Variants in UBP1 observed in about 807,000 individuals in gnomAD.
The protein encoded by UBP1 is upstream-binding protein 1.
UBP1 carries 22 observed loss-of-function variants against 76.1 expected under a neutral mutation model. The ratio of observed to expected loss-of-function variants is 0.29; its 90% CI spans 0.21 to 0.41. The LOEUF (loss-of-function observed/expected upper bound fraction) is 0.41. Among genes scored for constraint, UBP1 ranks in the 10% least tolerant of loss-of-function variants. UBP1 has a pLI of 1.00. For missense variants in UBP1, 436 were observed against 668.1 expected, an observed-to-expected ratio of 0.65 and a Z score of 3.83; for synonymous variants, 224 against 237.1, an observed-to-expected ratio of 0.94 and a Z score of 0.51.
At chr3:33,405,575 C>T (rs889085342) in intron 8 of UBP1, among the ~76,000 whole-genome samples, 18 of 152,190 alleles carry the variant, frequency 1.2e-4, no homozygotes, top group African/African-American at 4.3e-4. Flanking sequence ...CCTATAATCC[C>T]AGCACTTTCG....
rs2044523222 is a variant in UBP1, at chr3:33,409,783, C to G, written c.556-182G>C. Among the ~76,000 whole-genome samples the G allele has an allele frequency of 2.6e-5, 4 of 152,224 alleles. No homozygotes were observed. In the South Asian group the frequency reaches 8.3e-4, roughly 32 times the overall value. Reference sequence around the variant, plus strand: ...TTTTTAAGATATGGCTTCCCTCTCACAAATCCAACTGAGCCTCTCCAGACT... The same window carrying G: ...TTTTTAAGATATGGCTTCCCTCTCAGAAATCCAACTGAGCCTCTCCAGACT... On this transcript the variant is annotated intron_variant, in intron 5 of 15. Coordinates refer to ENST00000283629, the MANE Select transcript of UBP1 (RefSeq NM_014517.5).
At chr3:33,439,621 C>T in intron 1 of UBP1, 115 bp downstream of exon 1, 2 of 1,166,846 alleles carry the variant, frequency 1.7e-6, no homozygotes, top group Non-Finnish European at 2.4e-6. Flanking sequence ...ACTCCGACCC[C>T]GCAGCCCAGG....
intron 13 of UBP1, among the ~76,000 whole-genome samples, chr3:33,395,004 A>G (rs2043919539): frequency 6.6e-6 from 1 of 152,110 alleles, no homozygotes; most frequent in Non-Finnish European, 1.5e-5. Flanking sequence ...ATTATGGGAA[A>G]ATATCCAATA....
intron 11 of UBP1, 41 bp from the exon 12 acceptor site, chr3:33,397,176 AAGAAC>A: frequency 6.7e-7 from 1 of 1,487,044 alleles, no homozygotes; most frequent in Non-Finnish European, 9.1e-7. Context: ...TAAATGGAAA[AAGAAC>A]AGAACTGCTT....
intron 1 of UBP1, among the ~76,000 whole-genome samples, chr3:33,434,623 C>T (rs981811193): frequency 2.6e-5 from 4 of 151,270 alleles, no homozygotes; most frequent in Admixed American, 2.0e-4. Flanking sequence ...CAAGCTATGG[C>T]CTAAGAGCTA....
chr3:33,392,795 A>C, intron 14 of UBP1, 181 bp from the exon 15 acceptor site: 1 of 565,872 alleles, frequency 1.8e-6, no homozygotes, highest in Non-Finnish European at 3.0e-6. Flanking sequence ...TGTGTTCACT[A>C]TGCCTGTCCA....
In UBP1 at chr3:33,402,781, C is replaced by G. The variant is rs765082720; in HGVS notation, c.1031+20G>C. 9 of 1,503,760 alleles carry G rather than the reference C, an allele frequency of 6.0e-6. No individual in the cohort carries two copies. In the Admixed American group the frequency reaches 1.9e-4, roughly 32 times the overall value. 93.2% of individuals were successfully genotyped at this position (1,503,760 alleles called of 1,614,324 possible). On this transcript the variant is annotated intron_variant, in intron 9 of 15. Coordinates refer to ENST00000283629, the MANE Select transcript of UBP1 (RefSeq NM_014517.5). ...TGAGCATTAGTTAGCTGCAGGCACA[C>G]GATCACACAAACTAGATACCTGTCT... is the stretch of plus-strand genomic sequence containing the variant.
chr3:33,397,008 A>G (rs1446515668), intron 12 of UBP1, 37 bp downstream of exon 12: 6 of 1,559,892 alleles, frequency 3.8e-6, no homozygotes, highest in South Asian at 2.3e-5. Flanking sequence ...AGAAAGGTAC[A>G]TTCTTATTTC....
intron 1 of UBP1, among the ~76,000 whole-genome samples, chr3:33,429,638 C>A (rs2045080803): frequency 6.6e-6 from 1 of 151,942 alleles, no homozygotes; most frequent in Non-Finnish European, 1.5e-5. Context: ...CCAAATGATG[C>A]ATTTTAGAAG....
At chr3:33,393,286 A>G in intron 14 of UBP1, 26 bp downstream of exon 14, 1 of 1,579,828 alleles carries the variant, frequency 6.3e-7, no homozygotes, top group Non-Finnish European at 8.6e-7. Flanking sequence ...CCAGTCTGAA[A>G]AGGAAAAACA....
chr3:33,390,394 T>C, intron 15 of UBP1, 26 bp from the exon 16 acceptor site: 1 of 1,613,994 alleles, frequency 6.2e-7, no homozygotes, highest in Non-Finnish European at 8.5e-7. Flanking sequence ...AGACAGTATT[T>C]CTTCAGTCAG....
In UBP1 at chr3:33,426,040, GCA is replaced by G. The variant is rs2045012268; in HGVS notation, c.114-301_114-300del. Reference sequence around the variant, plus strand: ...ATATATATATATATATATATATATAGCACTTTAAAAACTTCTTTTAAAACTTT... The same window carrying G: ...ATATATATATATATATATATATATAGCTTTAAAAACTTCTTTTAAAACTTT... On this transcript the variant is annotated intron_variant, in intron 1 of 15. Transcript: ENST00000283629. Among the ~76,000 whole-genome samples, 2 of 44,882 alleles carry G rather than the reference GCA, an allele frequency of 4.5e-5. 1 individual carries two copies. Among genetic ancestry groups the G allele is most frequent in the African/African-American group, 1.5e-4 (2 of 13,638 alleles). 29.4% of individuals were successfully genotyped at this position (44,882 alleles called of 152,430 possible).
Position 33,400,179 on chromosome 3 carries a change from A to G in UBP1, c.1180+10T>C. ...TTCTCATGCACAGATACACACACAC[A>G]TACACATACCTGAAAAATTAGAGAA... On this transcript the variant is annotated intron_variant, in intron 11 of 15. Transcript: ENST00000283629. The G allele has an allele frequency of 3.2e-6, 5 of 1,556,988 alleles. No homozygotes were observed. The highest frequency in any genetic ancestry group is 2.3e-5 in the East Asian group (1 of 43,116).
At chr3:33,436,113 T>C (rs1333032672) in intron 1 of UBP1, among the ~76,000 whole-genome samples, 1 of 152,240 alleles carries the variant, frequency 6.6e-6, no homozygotes, top group Non-Finnish European at 1.5e-5. Context: ...ACAGGATCTA[T>C]AACATTAATT....
intron 2 of UBP1, among the ~76,000 whole-genome samples, chr3:33,422,313 G>A (rs2044915711): frequency 6.6e-6 from 1 of 152,108 alleles, no homozygotes; most frequent in African/African-American, 2.4e-5. Context: ...GCCTGAGGCA[G>A]GAGGACTGCT....
At chr3:33,406,212 C>A (rs2044416479) in intron 8 of UBP1, among the ~76,000 whole-genome samples, 1 of 152,162 alleles carries the variant, frequency 6.6e-6, no homozygotes, top group Non-Finnish European at 1.5e-5. Context: ...AGATTGAGGT[C>A]AGCCTTGGCA....
chr3:33,421,554 G>A lies in UBP1; in HGVS notation c.265+4036C>T, dbSNP rs146536974. Among the ~76,000 whole-genome samples, 9 of 152,286 alleles carry A rather than the reference G, an allele frequency of 5.9e-5. 1 individual carries two copies. The highest frequency in any genetic ancestry group is 2.2e-4 in the African/African-American group (9 of 41,548). Reference sequence around the variant, plus strand: ...CAAAGTGCTGGGATTACAGGCATGCGCCACCGCACCCAGCCTTAAACACAA... The same window carrying A: ...CAAAGTGCTGGGATTACAGGCATGCACCACCGCACCCAGCCTTAAACACAA... On this transcript the variant is annotated intron_variant, in intron 2 of 15. Transcript: ENST00000283629.
At chr3:33,405,469 A>G (rs549364611) in intron 8 of UBP1, among the ~76,000 whole-genome samples, 1 of 152,362 alleles carries the variant, frequency 6.6e-6, no homozygotes, top group African/African-American at 2.4e-5. Flanking sequence ...TTTATGATGA[A>G]AAAACTTTAT....
chr3:33,431,900 G>T (rs1227246566), intron 1 of UBP1, among the ~76,000 whole-genome samples: 1 of 152,078 alleles, frequency 6.6e-6, no homozygotes, highest in African/African-American at 2.4e-5. Context: ...GAATGTTATG[G>T]TATAAACTAC....
Sources: gnomAD v4.1 joint callset for allele counts (sites outside exome capture counted in the v4.1 genomes callset) on GRCh38, gnomAD v4.1.1 for gene constraint, MANE v1.5 for transcripts, NCBI Gene and HGNC (gene_info 2026-07-23, HGNC 2026-07-21) for gene names.